Variants in POFUT3 observed in about 807,000 individuals in gnomAD.
POFUT3 encodes the protein protein O-fucosyltransferase 3, also known as GDP-fucose protein O-fucosyltransferase 3.
chr8:33,361,037 T>C, the POFUT3 span: 1 of 152,218 alleles, frequency 6.6e-6, no homozygotes, highest in African/African-American at 2.4e-5. Context: ...TAGCAGATTA[T>C]TTCCATGGTG....
chr8:33,345,896 G>A, the POFUT3 span, among the ~76,000 whole-genome samples: 2 of 150,368 alleles, frequency 1.3e-5, no homozygotes, highest in Middle Eastern at 3.4e-3. Context: ...GGTGATCTTG[G>A]CTCACCACGA....
chr8:33,416,193 A>C, the POFUT3 span, among the ~76,000 whole-genome samples: 1 of 152,256 alleles, frequency 6.6e-6, no homozygotes, highest in African/African-American at 2.4e-5. Flanking sequence ...AAGCAGAATA[A>C]AATGGCAAAG....
the POFUT3 span, among the ~76,000 whole-genome samples, chr8:33,427,088 A>G: frequency 1.3e-5 from 2 of 152,198 alleles, no homozygotes; most frequent in African/African-American, 2.4e-5. Context: ...TCGCTGCCAC[A>G]CACTCTGCCC....
At chr8:33,430,571 G>C in the POFUT3 span, among the ~76,000 whole-genome samples, 2 of 152,158 alleles carry the variant, frequency 1.3e-5, no homozygotes, top group African/African-American at 4.8e-5. Context: ...ATTGCTCACA[G>C]AGAAAATTTA....
At chr8:33,373,218 C>G in the POFUT3 span, among the ~76,000 whole-genome samples, 4 of 152,022 alleles carry the variant, frequency 2.6e-5, no homozygotes, top group South Asian at 8.3e-4. Context: ...TGCATGTAAG[C>G]GTATTCGAAT....
At chr8:33,364,471 G>A in the POFUT3 span, among the ~76,000 whole-genome samples, 1 of 152,272 alleles carries the variant, frequency 6.6e-6, no homozygotes, top group African/African-American at 2.4e-5. Context: ...AGGAAATGAG[G>A]AAGTCAAATT....
At chr8:33,312,392 A>G in the POFUT3 span, among the ~76,000 whole-genome samples, 29 of 152,310 alleles carry the variant, frequency 1.9e-4, no homozygotes, top group East Asian at 5.6e-3. Flanking sequence ...GCCAAGGATT[A>G]CCAGCAATCA....
At chr8:33,466,800 A>T in the POFUT3 span, among the ~76,000 whole-genome samples, 1 of 152,138 alleles carries the variant, frequency 6.6e-6, no homozygotes, top group Admixed American at 6.5e-5. Context: ...ACTGGCAGCC[A>T]TGTCAATCAA....
At chr8:33,372,814 G>A in the POFUT3 span, 7 of 1,610,050 alleles carry the variant, frequency 4.3e-6, no homozygotes, top group Non-Finnish European at 5.9e-6. Flanking sequence ...CCTGCAGGAA[G>A]AGAAAAGAGA....
At chr8:33,325,473 A>T in the POFUT3 span, among the ~76,000 whole-genome samples, 1 of 152,202 alleles carries the variant, frequency 6.6e-6, no homozygotes, top group Admixed American at 6.5e-5. Context: ...GGAGTTAGCT[A>T]TCACCACCAT....
the POFUT3 span, among the ~76,000 whole-genome samples, chr8:33,344,149 T>C: frequency 1.6e-3 from 238 of 152,292 alleles, 1 homozygote; most frequent in Non-Finnish European, 3.0e-3. Context: ...GTAATCACAC[T>C]CCTGAGAGTT....
chr8:33,459,862 C>T, the POFUT3 span, among the ~76,000 whole-genome samples: 2 of 152,124 alleles, frequency 1.3e-5, no homozygotes, highest in South Asian at 2.1e-4. Flanking sequence ...AGTTCAAGAC[C>T]AGCCTGGTCA....
chr8:33,454,926 A>G, the POFUT3 span, among the ~76,000 whole-genome samples: 1 of 152,024 alleles, frequency 6.6e-6, no homozygotes, highest in Non-Finnish European at 1.5e-5. Context: ...TCAGCCTCCC[A>G]AAGTGCTAGG....
the POFUT3 span, among the ~76,000 whole-genome samples, chr8:33,418,426 T>C: frequency 6.6e-6 from 1 of 151,558 alleles, no homozygotes; most frequent in Non-Finnish European, 1.5e-5. Flanking sequence ...TTTTTTTTTT[T>C]TTTTGAGATG....
At chr8:33,340,517 A>ACTACACG in the POFUT3 span, among the ~76,000 whole-genome samples, 2 of 152,104 alleles carry the variant, frequency 1.3e-5, no homozygotes, top group Non-Finnish European at 2.9e-5. Context: ...ATATGACCCA[A>ACTACACG]CTACACGCTG....
At chr8:33,404,895 AC>A in the POFUT3 span, among the ~76,000 whole-genome samples, 15 of 152,100 alleles carry the variant, frequency 9.9e-5, no homozygotes, top group Non-Finnish European at 2.2e-4. Flanking sequence ...CATCACAACA[AC>A]AACAAAAAAA....
At chr8:33,463,438 G>A in the POFUT3 span, among the ~76,000 whole-genome samples, 17 of 151,964 alleles carry the variant, frequency 1.1e-4, no homozygotes, top group African/African-American at 3.9e-4. Context: ...CTGGGAGGCA[G>A]AGGTTGCAGT....
the POFUT3 span, among the ~76,000 whole-genome samples, chr8:33,442,052 C>T: frequency 4.6e-5 from 7 of 151,980 alleles, no homozygotes; most frequent in South Asian, 4.1e-4. Context: ...TGGATTCAAG[C>T]GATTCGCCTG....
chr8:33,328,370 AAAAAC>A, the POFUT3 span, among the ~76,000 whole-genome samples: 2 of 142,340 alleles, frequency 1.4e-5, no homozygotes, highest in African/African-American at 2.7e-5. Flanking sequence ...AGCCAAAAAC[AAAAAC>A]AAAAACAAAA....
Sources: allele counts gnomAD v4.1 joint callset (sites outside exome capture counted in the v4.1 genomes callset), GRCh38; gene constraint gnomAD v4.1.1; transcripts MANE v1.5; gene names NCBI Gene and HGNC (gene_info 2026-07-23, HGNC 2026-07-21).